Variants in CREBBP observed in about 807,000 individuals in gnomAD.
CREBBP encodes CREB-binding protein.
In CREBBP, 19 loss-of-function variants were observed where a neutral mutation model predicts 265.0. That is an observed-to-expected ratio of 0.07 (90% CI 0.05 to 0.11). The LOEUF (loss-of-function observed/expected upper bound fraction) is 0.11, where lower values mean the gene tolerates loss of function less well. Ranked by LOEUF, CREBBP falls within the 10% of genes least tolerant of loss-of-function variation. CREBBP has a pLI of 1.00. For missense variants in CREBBP, 2,525 were observed against 3,219.0 expected (o/e 0.78, Z 5.22); for synonymous variants, 1,457 against 1,223.7 (o/e 1.19, Z -3.98).
intron 19 of CREBBP, among the ~76,000 whole-genome samples, chr16:3,755,462 T>C (rs1451003596): frequency 1.3e-5 from 2 of 152,254 alleles, no homozygotes; most frequent in African/African-American, 4.8e-5. Flanking sequence ...TATCATTAAC[T>C]TTATTTTGCT....
chr16:3,760,078 G>A (rs377394991), intron 16 of CREBBP, among the ~76,000 whole-genome samples: 19 of 152,250 alleles, frequency 1.2e-4, no homozygotes, highest in African/African-American at 4.3e-4. Flanking sequence ...TTTTCTTGGT[G>A]TTCTTTAATT....
At chr16:3,775,664 T>G (rs369907381) in intron 11 of CREBBP, among the ~76,000 whole-genome samples, 3 of 152,232 alleles carry the variant, frequency 2.0e-5, no homozygotes, top group East Asian at 3.8e-4. Flanking sequence ...CCTTGAGAAT[T>G]TTTTTAAACA....
At chr16:3,744,084 AAAAG>A (rs2052282536) in intron 23 of CREBBP, among the ~76,000 whole-genome samples, 1 of 152,220 alleles carries the variant, frequency 6.6e-6, no homozygotes, top group African/African-American at 2.4e-5. Context: ...AATTAAAAAA[AAAAG>A]AAAGTCTACT....
rs180959170 is a variant in CREBBP at position 3,748,911 on chromosome 16, C to T, written c.3836+716G>A. Among the ~76,000 whole-genome samples the T allele has an allele frequency of 3.8e-4, 58 of 152,280 alleles. 2 individuals carry two copies. The East Asian group carries it at 0.011, about 29-fold the overall frequency. ...CTGGAATCCCAGCACTTTGGGAGGC[C>T]GAGACAGGCACATCACCTGAGGTCA... On this transcript the variant is annotated intron_variant, in intron 21 of 30. Transcript: ENST00000262367.
At chr16:3,835,579 T>TC (rs1444331886) in intron 2 of CREBBP, among the ~76,000 whole-genome samples, 2 of 146,894 alleles carry the variant, frequency 1.4e-5, no homozygotes, top group South Asian at 2.2e-4. Flanking sequence ...ATTTCTTCTT[T>TC]TTTTTTTTTT....
At chr16:3,773,465 A>G (rs1429816999) in intron 13 of CREBBP, among the ~76,000 whole-genome samples, 1 of 152,204 alleles carries the variant, frequency 6.6e-6, no homozygotes, top group African/African-American at 2.4e-5. Context: ...CAAACAAAAA[A>G]TAAGAAAACA....
At chr16:3,749,444 C>G (rs1436227880) in intron 21 of CREBBP, among the ~76,000 whole-genome samples, 183 bp downstream of exon 21, 1 of 152,202 alleles carries the variant, frequency 6.6e-6, no homozygotes, top group Non-Finnish European at 1.5e-5. Flanking sequence ...GTACATGTTA[C>G]AGAGACATAC....
chr16:3,783,946 C>T (rs553232660), intron 5 of CREBBP, among the ~76,000 whole-genome samples: 4 of 152,326 alleles, frequency 2.6e-5, no homozygotes, highest in African/African-American at 9.6e-5. Context: ...ACCTGTTTGC[C>T]TGCCCCCTCA....
intron 2 of CREBBP, among the ~76,000 whole-genome samples, chr16:3,816,214 C>T (rs1355859063): frequency 6.6e-6 from 1 of 152,194 alleles, no homozygotes; most frequent in Non-Finnish European, 1.5e-5. Flanking sequence ...ACAGCTCTCC[C>T]AGGTTTCCCA....
At chr16:3,850,209 G>C (rs1942491768) in intron 2 of CREBBP, 88 bp downstream of exon 2, 2 of 1,334,282 alleles carry the variant, frequency 1.5e-6, no homozygotes, top group African/African-American at 1.4e-5. Flanking sequence ...AAAAACAGGA[G>C]TGGGCCACGT....
intron 3 of CREBBP, among the ~76,000 whole-genome samples, chr16:3,803,552 A>G: frequency 6.6e-6 from 1 of 152,136 alleles, no homozygotes; most frequent in East Asian, 1.9e-4. Flanking sequence ...TCAATAGGGA[A>G]ATAATCCAGA....
At chr16:3,780,474 C>T (rs981802536) in intron 8 of CREBBP, among the ~76,000 whole-genome samples, 2 of 152,102 alleles carry the variant, frequency 1.3e-5, no homozygotes, top group East Asian at 1.9e-4. Flanking sequence ...GTCTTTGCCT[C>T]GGTGATAGGG....
At chr16:3,853,982 A>ACG (rs2054908917) in intron 1 of CREBBP, among the ~76,000 whole-genome samples, 1 of 145,672 alleles carries the variant, frequency 6.9e-6, no homozygotes, top group African/African-American at 2.8e-5. Context: ...ACACACACAC[A>ACG]CGAAAAAGAA....
intron 3 of CREBBP, among the ~76,000 whole-genome samples, chr16:3,799,147 C>T (rs569443314): frequency 7.1e-4 from 108 of 152,166 alleles, no homozygotes; most frequent in Admixed American, 2.2e-3. Context: ...GAAAGACTAG[C>T]GGTTGGCTGG....
In CREBBP at chr16:3,748,764, A is replaced by G. The variant is rs144763731; in HGVS notation, c.3836+863T>C. On this transcript the variant is annotated intron_variant, in intron 21 of 30. Transcript: ENST00000262367. ...TACATTGGGGACCTGGGAAGAGGCT[A>G]CCACACTGAAAAAAATCTGAAGTCT... Among the ~76,000 whole-genome samples, 213 of 152,312 alleles carry G rather than the reference A, an allele frequency of 1.4e-3. 1 individual carries two copies. The highest frequency in any genetic ancestry group is 4.9e-3 in the African/African-American group (204 of 41,576).
intron 28 of CREBBP, among the ~76,000 whole-genome samples, chr16:3,734,680 C>T (rs564193397): frequency 1.3e-5 from 2 of 152,308 alleles, no homozygotes; most frequent in South Asian, 2.1e-4. Flanking sequence ...AGGGCGTAAA[C>T]CCACGCCACC....
intron 3 of CREBBP, among the ~76,000 whole-genome samples, chr16:3,801,550 A>G (rs751030752): frequency 1.8e-4 from 28 of 152,086 alleles, no homozygotes; most frequent in Non-Finnish European, 3.5e-4. Context: ...CACACCTGTA[A>G]TCCCAGCTAC....
Position 3,727,709 on chromosome 16 carries a change from C to T in CREBBP, c.*9G>A, listed in dbSNP as rs2151297711. 1.2e-6 allele frequency: 2 copies of T among 1,614,056 alleles called. No individual in the cohort carries two copies. ...AACATGAAAGGGAAAAGGTGATGCT[C>T]TCACAATGCTACAAGCCCTCCACAA... On this transcript the variant is annotated 3_prime_UTR_variant, in exon 31 of 31. Transcript: ENST00000262367.
intron 5 of CREBBP, among the ~76,000 whole-genome samples, chr16:3,784,007 A>T (rs919982671): frequency 1.3e-5 from 2 of 152,224 alleles, no homozygotes; most frequent in Admixed American, 1.3e-4. Flanking sequence ...CATATGGCAG[A>T]AGTTCTATAT....
Sources: gnomAD v4.1 joint callset for allele counts (sites outside exome capture counted in the v4.1 genomes callset) on GRCh38, gnomAD v4.1.1 for gene constraint, MANE v1.5 for transcripts, NCBI Gene and HGNC (gene_info 2026-07-23, HGNC 2026-07-21) for gene names.